IGSF11: variants seen among roughly 807,000 people sequenced by gnomAD.
IGSF11 encodes immunoglobulin superfamily member 11, also known as CXADR like 1.
Under a neutral mutation model 41.0 loss-of-function variants are expected in IGSF11, and 22 were observed. The observed-to-expected ratio is 0.54, with a 90% CI of 0.38 to 0.77. The LOEUF (loss-of-function observed/expected upper bound fraction) is 0.77, where lower values mean the gene tolerates loss of function less well. IGSF11 is among the 30% of genes least tolerant of loss of function. IGSF11 has a pLI of 0.00. For missense variants in IGSF11, 444 were observed against 530.8 expected (o/e 0.84, Z 1.61); for synonymous variants, 219 against 201.3 (o/e 1.09, Z -0.74).
intron 1 of IGSF11, among the ~76,000 whole-genome samples, chr3:119,102,652 T>C (rs377367979): frequency 3.2e-4 from 48 of 152,342 alleles, no homozygotes; most frequent in African/African-American, 1.1e-3. Context: ...TTGTTATATA[T>C]TGGACCTCCT....
intron 6 of IGSF11, among the ~76,000 whole-genome samples, chr3:118,903,303 A>G (rs1160188593): frequency 6.6e-6 from 1 of 151,908 alleles, no homozygotes; most frequent in African/African-American, 2.4e-5. Flanking sequence ...TATAGTAAAT[A>G]TATAACAAAT....
At position 119,065,186 on chromosome 3, in the gene IGSF11, TAA is replaced by T. The variant is rs1178329795; in HGVS notation, c.49+39956_49+39957del. On this transcript the variant is annotated intron_variant, in intron 1 of 6. Coordinates refer to the IGSF11 transcript ENST00000354673. Reference sequence around the variant, plus strand: ...AATTAAAAGCATTCCATTTTATTGTTAAGTTTGCCAAGATTTTAAAAAATCAT... The same window carrying T: ...AATTAAAAGCATTCCATTTTATTGTTGTTTGCCAAGATTTTAAAAAATCAT... Among the ~76,000 whole-genome samples the T allele has an allele frequency of 5.3e-5, 8 of 152,348 alleles. No homozygotes were observed. In the East Asian group the frequency reaches 9.6e-4, roughly 18 times the overall value.
chr3:119,131,192 G>A (rs1016014041), intron 1 of IGSF11, among the ~76,000 whole-genome samples: 1 of 152,182 alleles, frequency 6.6e-6, no homozygotes, highest in African/African-American at 2.4e-5. Flanking sequence ...AAGCTGGACA[G>A]AGAATGACTT....
intron 1 of IGSF11, among the ~76,000 whole-genome samples, chr3:119,133,373 A>T (rs1474749130): frequency 6.6e-6 from 1 of 152,212 alleles, no homozygotes; most frequent in Non-Finnish European, 1.5e-5. Flanking sequence ...TGCAATAAAA[A>T]ATGATAAAGG....
chr3:119,023,006 A>C (rs1939442520), intron 1 of IGSF11, among the ~76,000 whole-genome samples: 2 of 152,166 alleles, frequency 1.3e-5, no homozygotes, highest in Non-Finnish European at 2.9e-5. Context: ...TCATGCCTGT[A>C]ACCCCCGCAC....
At chr3:118,955,249 C>CACACAT (rs1483304493) in intron 1 of IGSF11, among the ~76,000 whole-genome samples, 1 of 148,352 alleles carries the variant, frequency 6.7e-6, no homozygotes, top group Admixed American at 6.7e-5. Context: ...CACACACACA[C>CACACAT]ACACATACAC....
intron 1 of IGSF11, among the ~76,000 whole-genome samples, chr3:119,025,674 T>C (rs186322028): frequency 1.3e-5 from 2 of 151,936 alleles, no homozygotes; most frequent in Non-Finnish European, 2.9e-5. Flanking sequence ...AACTCTGACA[T>C]GGGCTTTGTA....
rs1199449849 is a variant in IGSF11 at position 119,097,316 on chromosome 3, A to G, written c.49+7828T>C. Among the ~76,000 whole-genome samples the G allele has an allele frequency of 2.0e-5, 3 of 152,212 alleles. No homozygotes were observed. The East Asian group carries it at 5.8e-4, about 29-fold the overall frequency. Reference sequence around the variant, plus strand: ...TTTCCTTCCCTGGAGGAGCTCGGTAACTATAATTATGGCATCTCTCTGCTC... The same window carrying G: ...TTTCCTTCCCTGGAGGAGCTCGGTAGCTATAATTATGGCATCTCTCTGCTC... On this transcript the variant is annotated intron_variant, in intron 1 of 6. Coordinates refer to the IGSF11 transcript ENST00000354673.
At chr3:119,050,826 A>G in intron 1 of IGSF11, among the ~76,000 whole-genome samples, 1 of 151,986 alleles carries the variant, frequency 6.6e-6, no homozygotes, top group Non-Finnish European at 1.5e-5. Context: ...ATAAAAAATG[A>G]TGACTTCATG....
intron 1 of IGSF11, among the ~76,000 whole-genome samples, chr3:119,031,858 T>C (rs6798142): frequency 0.26 from 39,351 of 152,096 alleles, 5,448 homozygotes; most frequent in African/African-American, 0.35. Context: ...ACTGAAAAGG[T>C]TCATGACTTT....
rs570838527 is a variant in IGSF11, at chr3:119,048,552, T to G, written c.49+56592A>C. ...TCCAAGACCAGATGGATTCACAGCC[T>G]AATTCTACCAGAGGTACAAGGAGGA... is the stretch of plus-strand genomic sequence containing the variant. On this transcript the variant is annotated intron_variant, in intron 1 of 6. Coordinates refer to the IGSF11 transcript ENST00000354673. Among the ~76,000 whole-genome samples the G allele has an allele frequency of 5.8e-3, 876 of 152,194 alleles. 15 individuals carry two copies. The highest frequency in any genetic ancestry group is 0.02 in the African/African-American group (834 of 41,514).
At chr3:118,933,971 C>T (rs1402493438) in intron 1 of IGSF11, among the ~76,000 whole-genome samples, 4 of 151,880 alleles carry the variant, frequency 2.6e-5, no homozygotes, top group Non-Finnish European at 5.9e-5. Context: ...TCATAGACTT[C>T]CCCCTCCCAT....
rs370869374 is a variant in IGSF11, at chr3:119,049,422, T to C, written c.49+55722A>G. ...AATTGCTTCAAAGAGAATAAAATAC[T>C]TAGGAATCCAACTTACAAGGGATGT... is the stretch of plus-strand genomic sequence containing the variant. On this transcript the variant is annotated intron_variant, in intron 1 of 6. Coordinates refer to the IGSF11 transcript ENST00000354673. 4.7e-3 allele frequency among the ~76,000 whole-genome samples: 717 copies of C among 152,074 alleles called. 12 individuals carry two copies. The highest frequency in any genetic ancestry group is 0.015 in the African/African-American group (637 of 41,468).
intron 1 of IGSF11, among the ~76,000 whole-genome samples, chr3:119,046,046 A>C (rs1416159948): frequency 6.6e-6 from 1 of 151,514 alleles, no homozygotes; most frequent in Non-Finnish European, 1.5e-5. Context: ...GATGGGGAAA[A>C]AACAGAACAG....
At chr3:119,008,973 A>G (rs1350889272) in intron 1 of IGSF11, among the ~76,000 whole-genome samples, 1 of 152,194 alleles carries the variant, frequency 6.6e-6, no homozygotes, top group Non-Finnish European at 1.5e-5. Context: ...GAGTCAAACT[A>G]GGATACTGCC....
intron 1 of IGSF11, among the ~76,000 whole-genome samples, chr3:119,062,234 T>C (rs1280336808): frequency 6.6e-6 from 1 of 152,218 alleles, no homozygotes; most frequent in Non-Finnish European, 1.5e-5. Flanking sequence ...ACTTGGTATT[T>C]CCACCCAAAT....
At chr3:119,129,134 G>T (rs1378513297) in intron 1 of IGSF11, among the ~76,000 whole-genome samples, 1 of 152,048 alleles carries the variant, frequency 6.6e-6, no homozygotes, top group Non-Finnish European at 1.5e-5. Flanking sequence ...CACAGAGAGG[G>T]GAACAACAAC....
intron 1 of IGSF11, among the ~76,000 whole-genome samples, chr3:119,000,039 A>G (rs1198767246): frequency 5.3e-5 from 8 of 151,714 alleles, no homozygotes; most frequent in Non-Finnish European, 1.0e-4. Flanking sequence ...TTGGCTTTAA[A>G]AGCTCTTCCA....
At chr3:119,073,886 C>A (rs563234781) in intron 1 of IGSF11, among the ~76,000 whole-genome samples, 1 of 152,230 alleles carries the variant, frequency 6.6e-6, no homozygotes, top group Non-Finnish European at 1.5e-5. Flanking sequence ...TCAATCATGG[C>A]CAGAGTGGGC....
Sources: gnomAD v4.1 joint callset for allele counts (sites outside exome capture counted in the v4.1 genomes callset) on GRCh38, gnomAD v4.1.1 for gene constraint, MANE v1.5 for transcripts, NCBI Gene and HGNC (gene_info 2026-07-23, HGNC 2026-07-21) for gene names.